The following DST variants were observed in gnomAD, a reference collection of about 807,000 sequenced individuals.
The protein encoded by DST is dystonin.
DST carries 253 observed loss-of-function variants against 875.2 expected under a neutral mutation model. The ratio of observed to expected loss-of-function variants is 0.29; its 90% CI spans 0.26 to 0.32. DST has a LOEUF of 0.32. Among genes scored for constraint, DST ranks in the 10% least tolerant of loss-of-function variants. The pLI, the probability that DST is intolerant of heterozygous loss-of-function variation, is 1.00. For missense variants in DST, 8,287 were observed against 9,111.6 expected, an observed-to-expected ratio of 0.91 and a Z score of 3.68; for synonymous variants, 3,124 against 3,197.1, an observed-to-expected ratio of 0.98 and a Z score of 0.77.
At chr6:56,672,814 G>A (rs1341425454) in intron 9 of DST, among the ~76,000 whole-genome samples, 1 of 152,156 alleles carries the variant, frequency 6.6e-6, no homozygotes, top group East Asian at 1.9e-4. Flanking sequence ...CTGAAAAAGG[G>A]AGAAGTAAAA....
chr6:56,704,306 A>G lies in DST; in HGVS notation c.751T>C (p.Leu251=), dbSNP rs16888128. Residue 251 remains leucine (L), a synonymous_variant, in exon 6 of 104, where the codon TTA becomes CTA. Coordinates refer to ENST00000680361, the MANE Select transcript of DST (RefSeq NM_001374736.1). ...AAGGTATCTCCTGAAAGAACCTCTAAAAGAGAAATCAAATTGTGTCCATCC... is the reference window on the plus strand; with the variant it reads ...AAGGTATCTCCTGAAAGAACCTCTAGAAGAGAAATCAAATTGTGTCCATCC... ...LRDGHNLISL[L]EVLSGDTLPR... The G allele has an allele frequency of 0.21, 320,949 of 1,554,446 alleles. 36,602 individuals are homozygous for G. The highest frequency in any genetic ancestry group is 0.33 in the African/African-American group (23,837 of 72,930).
At chr6:56,720,017 G>A (rs138685731) in intron 5 of DST, among the ~76,000 whole-genome samples, 2,925 of 152,288 alleles carry the variant, frequency 0.019, 100 homozygotes, top group African/African-American at 0.067. Context: ...TCAGGAGACA[G>A]GGTTTGAGAG....
Position 56,630,355 on chromosome 6 carries a change from T to C in DST, c.4171A>G (p.Asn1391Asp). Residue 1391 changes from asparagine (N) to aspartate (D), a missense_variant, in exon 31 of 104, where the codon AAC becomes GAC. Transcript: ENST00000680361. ...ACGAGGGCTTCTGCAGCTTGAGTGT[T>C]TTTTAACACCAAGTTAACAGTTTTC... ...KLKTVNLVLK[N>D]TQAAEALVKL... The C allele has an allele frequency of 6.2e-7, 1 of 1,613,022 alleles. No homozygotes were observed. The highest frequency in any genetic ancestry group is 1.1e-5 in the South Asian group (1 of 91,040).
At chr6:56,807,055 C>A (rs1010714539) in intron 4 of DST, among the ~76,000 whole-genome samples, 3 of 150,918 alleles carry the variant, frequency 2.0e-5, no homozygotes, top group Admixed American at 6.6e-5. Flanking sequence ...TTTCTCCCCA[C>A]TGACCTTTTT....
At position 56,620,198 on chromosome 6, in the gene DST, C is replaced by G. The variant is rs2098675583; in HGVS notation, c.4929+4332G>C. 1 of 1,613,480 alleles carries G rather than the reference C, an allele frequency of 6.2e-7. No homozygotes were observed. Among genetic ancestry groups the G allele is most frequent in the African/African-American group, 1.3e-5 (1 of 74,894 alleles). ...GAGTTCTTCCTCATTGTCTCTCTTT[C>G]TTCTTAATTCTTCCATTAATTTATT... On this transcript the variant is annotated intron_variant, in intron 36 of 103. Coordinates refer to ENST00000680361, the MANE Select transcript of DST (RefSeq NM_001374736.1).
intron 4 of DST, among the ~76,000 whole-genome samples, chr6:56,737,464 GTTAA>G (rs1204411789): frequency 6.6e-6 from 1 of 152,168 alleles, no homozygotes; most frequent in African/African-American, 2.4e-5. Flanking sequence ...TTAAACCAAA[GTTAA>G]TTAAAGCAAA....
intron 10 of DST, among the ~76,000 whole-genome samples, chr6:56,659,385 G>A (rs2099027012): frequency 1.3e-5 from 2 of 152,178 alleles, no homozygotes. Flanking sequence ...AGTTTACAGA[G>A]GGAACTAAGC....
At chr6:56,875,022 C>T (rs1462217567) in intron 3 of DST, among the ~76,000 whole-genome samples, 2 of 152,224 alleles carry the variant, frequency 1.3e-5, no homozygotes, top group African/African-American at 4.8e-5. Context: ...CTCGCTCTGT[C>T]GCCCAGGCTG....
chr6:56,825,546 T>C (rs1365572934), intron 4 of DST, among the ~76,000 whole-genome samples: 1 of 151,878 alleles, frequency 6.6e-6, no homozygotes, highest in Non-Finnish European at 1.5e-5. Flanking sequence ...TTTTCTAACT[T>C]GCTTTTGCAA....
chr6:56,508,631 C>G lies in DST; in HGVS notation c.19137G>C (p.Met6379Ile), dbSNP rs879004545. The G allele has an allele frequency of 1.2e-6, 2 of 1,613,848 alleles. No homozygotes were observed. Among genetic ancestry groups the G allele is most frequent in the South Asian group, 2.2e-5 (2 of 91,076 alleles). The change falls in exon 75 of 104, where the codon ATG becomes ATC. Residue 6379 changes from methionine (M) to isoleucine (I), a missense_variant. Around this residue, in one of 10 missense-constraint regions of DST, gnomAD observed 1,292 missense variants for 1,552.7 expected, o/e 0.83. Transcript: ENST00000680361. Reference sequence around the variant, plus strand: ...TATCTTTAATGGTAACTATCAATGACATGTGATCACACCAGAACTTTTCTG... The same window carrying G: ...TATCTTTAATGGTAACTATCAATGAGATGTGATCACACCAGAACTTTTCTG... ...ELAEKFWCDH[M>I]SLIVTIKDTQ...
intron 3 of DST, among the ~76,000 whole-genome samples, chr6:56,878,509 C>T (rs895466472): frequency 1.3e-5 from 2 of 152,046 alleles, no homozygotes; most frequent in Non-Finnish European, 2.9e-5. Context: ...GGGATCCTAT[C>T]CAAGAGGAAT....
chr6:56,747,819 G>C (rs574812181), intron 4 of DST, among the ~76,000 whole-genome samples: 10 of 151,922 alleles, frequency 6.6e-5, no homozygotes, highest in South Asian at 6.2e-4. Context: ...ATATTATGAA[G>C]ACCTTAAGTA....
intron 10 of DST, among the ~76,000 whole-genome samples, chr6:56,664,968 T>A (rs900292498): frequency 6.6e-6 from 1 of 152,186 alleles, no homozygotes; most frequent in Non-Finnish European, 1.5e-5. Flanking sequence ...CAGTGACCTA[T>A]TTAAATAGAA....
chr6:56,818,008 TG>T (rs1353125605), intron 4 of DST, among the ~76,000 whole-genome samples: 2 of 152,000 alleles, frequency 1.3e-5, no homozygotes, highest in Admixed American at 1.3e-4. Context: ...GAAGCAGTGG[TG>T]GAAGTGACAT....
intron 4 of DST, among the ~76,000 whole-genome samples, chr6:56,774,858 A>G (rs545317440): frequency 6.6e-6 from 1 of 151,810 alleles, no homozygotes; most frequent in Non-Finnish European, 1.5e-5. Flanking sequence ...CAGGCGTGGT[A>G]GTGCATGCCT....
At chr6:56,500,468 T>C (rs971679345) in intron 80 of DST, among the ~76,000 whole-genome samples, 1 of 152,060 alleles carries the variant, frequency 6.6e-6, no homozygotes, top group Admixed American at 6.6e-5. Context: ...GTGCAGGACA[T>C]ATAACAACTT....
chr6:56,624,742 C>T (rs1378362082), intron 35 of DST, 114 bp from the exon 36 acceptor site: 1 of 718,484 alleles, frequency 1.4e-6, no homozygotes, highest in Non-Finnish European at 2.5e-6. Context: ...AAGCACACAA[C>T]TCCCCCCATA....
At chr6:56,471,495 G>A (rs950776284) in intron 94 of DST, among the ~76,000 whole-genome samples, 1 of 152,104 alleles carries the variant, frequency 6.6e-6, no homozygotes, top group East Asian at 1.9e-4. Flanking sequence ...AACTTAAGCT[G>A]TAAATTTCTG....
At chr6:56,645,796 A>C in intron 15 of DST, 70 bp downstream of exon 15, 1 of 1,560,236 alleles carries the variant, frequency 6.4e-7, no homozygotes, top group Non-Finnish European at 8.7e-7. Context: ...GTTTAACTTA[A>C]GTTCTTTCAC....
Sources: allele counts gnomAD v4.1 joint callset (sites outside exome capture counted in the v4.1 genomes callset), GRCh38; gene constraint gnomAD v4.1.1; regional missense constraint gnomAD v4.1.1; transcripts MANE v1.5; gene names NCBI Gene and HGNC (gene_info 2026-07-23, HGNC 2026-07-21).